Variants in UNC5D observed in about 807,000 individuals in gnomAD.
UNC5D encodes the protein unc-5 netrin receptor D, also known as netrin receptor UNC5D.
A neutral mutation model predicts 105.4 loss-of-function variants in UNC5D; 39 were observed. That is an observed-to-expected ratio of 0.37 (90% CI 0.29 to 0.48). UNC5D has a LOEUF of 0.48. Ranked by LOEUF, UNC5D falls within the 20% of genes least tolerant of loss-of-function variation. UNC5D has a pLI of 0.98. For missense variants in UNC5D, 991 were observed against 1,202.4 expected (o/e 0.82, Z 2.60); for synonymous variants, 452 against 450.4 (o/e 1.00, Z -0.04).
At chr8:35,616,904 C>T (rs929767064) in intron 4 of UNC5D, among the ~76,000 whole-genome samples, 17 of 152,038 alleles carry the variant, frequency 1.1e-4, no homozygotes, top group African/African-American at 2.7e-4. Flanking sequence ...TTAACATTAG[C>T]GGCAATAAAC....
chr8:35,360,320 A>G (rs995900487), intron 1 of UNC5D, among the ~76,000 whole-genome samples: 1 of 152,216 alleles, frequency 6.6e-6, no homozygotes, highest in Non-Finnish European at 1.5e-5. Context: ...CCTATAATTC[A>G]TACTAGAAGC....
At chr8:35,375,203 A>G (rs548814874) in intron 1 of UNC5D, among the ~76,000 whole-genome samples, 1 of 152,338 alleles carries the variant, frequency 6.6e-6, no homozygotes, top group Non-Finnish European at 1.5e-5. Context: ...AGGTGAAGAA[A>G]GAAAGCTTTA....
At chr8:35,750,007 C>T (rs1193507851) in intron 12 of UNC5D, among the ~76,000 whole-genome samples, 2 of 120,398 alleles carry the variant, frequency 1.7e-5, no homozygotes, top group African/African-American at 6.6e-5. Context: ...AAAAAGTTTG[C>T]TTATTGATAA....
chr8:35,481,509 A>G (rs1002307508), intron 1 of UNC5D, among the ~76,000 whole-genome samples: 1 of 152,194 alleles, frequency 6.6e-6, no homozygotes, highest in Admixed American at 6.5e-5. Flanking sequence ...CAGCCCCTAC[A>G]TGCTTAACAC....
intron 1 of UNC5D, among the ~76,000 whole-genome samples, chr8:35,332,782 G>A (rs1272188791): frequency 6.6e-6 from 1 of 152,130 alleles, no homozygotes. Context: ...ACTTCAATGG[G>A]CTTGGAAAGA....
At chr8:35,750,354 G>A (rs1161772161) in intron 12 of UNC5D, among the ~76,000 whole-genome samples, 3 of 128,882 alleles carry the variant, frequency 2.3e-5, no homozygotes, top group African/African-American at 5.9e-5. Context: ...GCCTCCCAAA[G>A]TGCTGGGATT....
rs186543802 is a variant in UNC5D, at chr8:35,250,656, G to C, written c.103+14769G>C. Reference sequence around the variant, plus strand: ...ATTACAGGTGCATGCCACCATGTCTGGCTAATTTTTTTCTATTTTTAGTAG... The same window carrying C: ...ATTACAGGTGCATGCCACCATGTCTCGCTAATTTTTTTCTATTTTTAGTAG... On this transcript the variant is annotated intron_variant, in intron 1 of 16. Coordinates refer to ENST00000404895, the MANE Select transcript of UNC5D (RefSeq NM_080872.4). Among the ~76,000 whole-genome samples, 465 of 152,140 alleles carry C rather than the reference G, an allele frequency of 3.1e-3. 2 individuals carry two copies. The highest frequency in any genetic ancestry group is 0.011 in the African/African-American group (450 of 41,502).
intron 7 of UNC5D, among the ~76,000 whole-genome samples, chr8:35,705,050 G>A (rs896288600): frequency 8.8e-5 from 13 of 147,042 alleles, no homozygotes; most frequent in Non-Finnish European, 1.6e-4. Flanking sequence ...TGCAGGCTCT[G>A]CCCCCTGGGT....
chr8:35,729,410 C>T (rs1215979647), intron 10 of UNC5D, among the ~76,000 whole-genome samples: 1 of 152,110 alleles, frequency 6.6e-6, no homozygotes, highest in Non-Finnish European at 1.5e-5. Flanking sequence ...ACACGAGTGG[C>T]ATTGTGATAA....
intron 4 of UNC5D, among the ~76,000 whole-genome samples, chr8:35,669,919 C>T (rs1824668939): frequency 6.6e-6 from 1 of 152,058 alleles, no homozygotes; most frequent in African/African-American, 2.4e-5. Flanking sequence ...GAGTCTGTAG[C>T]ACAAGAGGGT....
chr8:35,498,222 G>A (rs550347430), intron 1 of UNC5D, among the ~76,000 whole-genome samples: 1 of 151,240 alleles, frequency 6.6e-6, no homozygotes, highest in Non-Finnish European at 1.5e-5. Context: ...GGGGCTGAAA[G>A]TTTCCATTGG....
chr8:35,631,213 C>T (rs892916282), intron 4 of UNC5D, among the ~76,000 whole-genome samples: 6 of 151,818 alleles, frequency 4.0e-5, no homozygotes, highest in Non-Finnish European at 7.4e-5. Flanking sequence ...ACTGGGGAGA[C>T]TGAGGCAGGA....
intron 1 of UNC5D, among the ~76,000 whole-genome samples, chr8:35,528,676 GTTC>G (rs1242271776): frequency 2.7e-5 from 4 of 146,796 alleles, no homozygotes; most frequent in African/African-American, 1.0e-4. Context: ...GTGTAAAAGT[GTTC>G]TTATTTCTCC....
chr8:35,684,588 G>T lies in UNC5D; in HGVS notation c.758G>T (p.Gly253Val). ...CCCCATTTTTCTCTCTCAGTGAATGGAGGCTGGTCTTCCTGGACAGAGTGG... is the reference window on the plus strand; with the variant it reads ...CCCCATTTTTCTCTCTCAGTGAATGTAGGCTGGTCTTCCTGGACAGAGTGG... ...LSATVVVYVN[G>V]GWSSWTEWSA... The change falls in exon 6 of 17, where the codon GGA (glycine) becomes GTA (valine). Residue 253 changes from glycine to valine, a missense_variant. Coordinates refer to ENST00000404895, the MANE Select transcript of UNC5D (RefSeq NM_080872.4). 1 of 1,608,224 alleles carries T rather than the reference G, an allele frequency of 6.2e-7. No homozygotes were observed. Among genetic ancestry groups the T allele is most frequent in the Non-Finnish European group, 8.5e-7 (1 of 1,178,378 alleles).
intron 4 of UNC5D, among the ~76,000 whole-genome samples, chr8:35,603,128 T>C (rs1820013741): frequency 6.6e-6 from 1 of 152,142 alleles, no homozygotes; most frequent in Non-Finnish European, 1.5e-5. Context: ...GTTCTTTTAA[T>C]TGTGATGTTA....
chr8:35,450,499 A>G (rs530550268), intron 1 of UNC5D, among the ~76,000 whole-genome samples: 22 of 152,124 alleles, frequency 1.4e-4, no homozygotes, highest in Non-Finnish European at 2.1e-4. Context: ...CTTTTTGACT[A>G]TGTCGAATGA....
chr8:35,783,033 C>T (rs1369402273), intron 16 of UNC5D, among the ~76,000 whole-genome samples: 1 of 151,838 alleles, frequency 6.6e-6, no homozygotes, highest in Non-Finnish European at 1.5e-5. Context: ...GTCCTAGCTA[C>T]TTGAGCGGCT....
At chr8:35,400,173 G>T (rs867187644) in intron 1 of UNC5D, among the ~76,000 whole-genome samples, 1 of 152,062 alleles carries the variant, frequency 6.6e-6, no homozygotes, top group Admixed American at 6.5e-5. Flanking sequence ...CAACACTTGT[G>T]CTTGGGAGAT....
intron 1 of UNC5D, among the ~76,000 whole-genome samples, chr8:35,316,905 C>A (rs2128882182): frequency 6.6e-6 from 1 of 152,182 alleles, no homozygotes; most frequent in East Asian, 1.9e-4. Flanking sequence ...TCGTCGAAAG[C>A]AACCATGACA....
Sources: allele counts gnomAD v4.1 joint callset (sites outside exome capture counted in the v4.1 genomes callset), GRCh38; gene constraint gnomAD v4.1.1; transcripts MANE v1.5; gene names NCBI Gene and HGNC (gene_info 2026-07-23, HGNC 2026-07-21).